PRUNE2: variants seen among roughly 807,000 people sequenced by gnomAD.
PRUNE2 encodes the protein prune homolog 2 with BCH domain.
Under a neutral mutation model 252.0 loss-of-function variants are expected in PRUNE2, and 164 were observed. That is an observed-to-expected ratio of 0.65 (90% confidence interval 0.57 to 0.74). The LOEUF (loss-of-function observed/expected upper bound fraction) is 0.74. PRUNE2 is among the 30% of genes least tolerant of loss of function. The probability of loss-of-function intolerance (pLI) is 0.00; values close to 1 mark genes in which losing one functional copy is unlikely to be tolerated. For missense variants in PRUNE2, 3,495 were observed against 3,711.0 expected, an observed-to-expected ratio of 0.94 and a Z score of 1.51; for synonymous variants, 1,292 against 1,350.2, an observed-to-expected ratio of 0.96 and a Z score of 0.94.
chr9:76,706,209 C>T lies in PRUNE2; in HGVS notation c.6065G>A (p.Ser2022Asn), dbSNP rs1215633142. The change falls in exon 8 of 19, where the codon AGT (serine) becomes AAT (asparagine). Residue 2022 changes from serine (S) to asparagine (N), a missense_variant. By Grantham distance (46) the Ser-to-Asn change is conservative (BLOSUM62 1). Coordinates refer to ENST00000376718, the MANE Select transcript of PRUNE2 (RefSeq NM_015225.3). ...SIATENFPAV[S>N]SPTQLIMKPG... Reference sequence around the variant, plus strand: ...CTTCATTATCAGTTGGGTGGGAGAACTGACAGCAGGAAAATTTTCTGTGGC... The same window carrying T: ...CTTCATTATCAGTTGGGTGGGAGAATTGACAGCAGGAAAATTTTCTGTGGC... 2 of 1,613,866 alleles carry T rather than the reference C, an allele frequency of 1.2e-6. No homozygotes were observed.
chr9:76,622,301 A>G (rs1356761618), intron 17 of PRUNE2, among the ~76,000 whole-genome samples: 1 of 152,136 alleles, frequency 6.6e-6, no homozygotes. Context: ...GAAGAGAACA[A>G]AATAGTGGAT....
intron 1 of PRUNE2, 47 bp downstream of exon 1, chr9:76,905,881 T>TG: frequency 6.2e-7 from 1 of 1,612,844 alleles, no homozygotes; most frequent in Admixed American, 1.7e-5. Context: ...ACCTTTCCAT[T>TG]AGCATACGCG....
At chr9:76,634,869 T>G (rs1839304407) in intron 15 of PRUNE2, among the ~76,000 whole-genome samples, 1 of 152,240 alleles carries the variant, frequency 6.6e-6, no homozygotes, top group Non-Finnish European at 1.5e-5. Context: ...CCCATTAAAC[T>G]TTTTGAAAGC....
At chr9:76,904,313 C>G (rs114637160) in intron 1 of PRUNE2, among the ~76,000 whole-genome samples, 1 of 151,956 alleles carries the variant, frequency 6.6e-6, no homozygotes, top group African/African-American at 2.4e-5. Context: ...ACTCATTACT[C>G]GGAAATAGGG....
intron 6 of PRUNE2, among the ~76,000 whole-genome samples, chr9:76,724,412 G>A (rs2047927999): frequency 6.6e-6 from 1 of 151,100 alleles, no homozygotes; most frequent in Admixed American, 6.6e-5. Context: ...TGGGGGTGGA[G>A]GTTGCAGTGA....
chr9:76,832,859 A>G (rs2058744935), intron 4 of PRUNE2, among the ~76,000 whole-genome samples: 1 of 152,112 alleles, frequency 6.6e-6, no homozygotes, highest in African/African-American at 2.4e-5. Context: ...AAATCGTGAC[A>G]TAACTAGATT....
intron 9 of PRUNE2, among the ~76,000 whole-genome samples, chr9:76,668,135 AT>A (rs1261908569): frequency 1.3e-5 from 2 of 152,236 alleles, no homozygotes; most frequent in African/African-American, 4.8e-5. Context: ...GGTTGTAGTC[AT>A]CAAAATTTTA....
At chr9:76,625,180 C>T in intron 16 of PRUNE2, 1 of 513,362 alleles carries the variant, frequency 1.9e-6, no homozygotes, top group Non-Finnish European at 3.4e-6. Flanking sequence ...TACAGTCATG[C>T]ACCATGTAAC....
intron 6 of PRUNE2, among the ~76,000 whole-genome samples, chr9:76,805,768 C>T (rs1296265692): frequency 6.6e-6 from 1 of 152,102 alleles, no homozygotes; most frequent in Non-Finnish European, 1.5e-5. Flanking sequence ...TCAATGGTAA[C>T]AATTAATTGA....
chr9:76,694,326 G>A (rs2045160441), intron 9 of PRUNE2, among the ~76,000 whole-genome samples: 1 of 152,030 alleles, frequency 6.6e-6, no homozygotes, highest in African/African-American at 2.4e-5. Flanking sequence ...GGGATTCCAG[G>A]CATGTGTCAC....
chr9:76,792,669 A>G (rs2055668869), intron 6 of PRUNE2, among the ~76,000 whole-genome samples: 1 of 152,202 alleles, frequency 6.6e-6, no homozygotes, highest in Non-Finnish European at 1.5e-5. Flanking sequence ...TTAAAGATAA[A>G]TATTTTTTCA....
chr9:76,840,462 T>G (rs2059320326), intron 4 of PRUNE2, among the ~76,000 whole-genome samples: 2 of 152,154 alleles, frequency 1.3e-5, no homozygotes, highest in African/African-American at 2.4e-5. Context: ...ACAATCAAAT[T>G]GATGAAGTAC....
intron 3 of PRUNE2, among the ~76,000 whole-genome samples, chr9:76,849,894 A>T (rs935555938): frequency 6.6e-6 from 1 of 152,198 alleles, no homozygotes; most frequent in Admixed American, 6.5e-5. Flanking sequence ...TAAGAACTTT[A>T]CACTTAAAGA....
chr9:76,786,883 AC>A (rs2055040366), intron 6 of PRUNE2: 1 of 152,204 alleles, frequency 6.6e-6, no homozygotes, highest in South Asian at 2.1e-4. Flanking sequence ...CAAATGAGAA[AC>A]CCAGTGGCTC....
chr9:76,842,406 A>G (rs1329205181), intron 4 of PRUNE2, among the ~76,000 whole-genome samples: 1 of 152,224 alleles, frequency 6.6e-6, no homozygotes, highest in African/African-American at 2.4e-5. Context: ...CCTAGGCAAT[A>G]TCATTCAGGA....
intron 6 of PRUNE2, among the ~76,000 whole-genome samples, chr9:76,757,862 C>CG (rs376114924): frequency 0.012 from 1,858 of 151,986 alleles, 32 homozygotes; most frequent in African/African-American, 0.042. Flanking sequence ...CCCTGGGCCC[C>CG]ACCCAAAAAA....
intron 6 of PRUNE2, among the ~76,000 whole-genome samples, chr9:76,766,436 T>C (rs1381430027): frequency 6.6e-6 from 1 of 152,256 alleles, no homozygotes; most frequent in African/African-American, 2.4e-5. Context: ...TCTTTAACGA[T>C]GCTTAACTCT....
At chr9:76,641,926 A>T in intron 12 of PRUNE2, 1 of 1,525,806 alleles carries the variant, frequency 6.6e-7, no homozygotes, top group Non-Finnish European at 8.8e-7. Context: ...TCTTCTCCTC[A>T]TTCTTTCCAG....
At position 76,629,220 on chromosome 9, in the gene PRUNE2, A is replaced by T; in HGVS notation, c.9121T>A (p.Cys3041Ser). 1 of 1,606,546 alleles carries T rather than the reference A, an allele frequency of 6.2e-7. No homozygotes were observed. The highest frequency in any genetic ancestry group is 8.5e-7 in the Non-Finnish European group (1 of 1,175,264). Reference sequence around the variant, plus strand: ...ATGATGCTCTCTGGAATGTGGATGCAATCCATTGGGATCAGCCCACTGAGT... The same window carrying T: ...ATGATGCTCTCTGGAATGTGGATGCTATCCATTGGGATCAGCCCACTGAGT... ...SELSGLIPMD[C>S]IHIPESIIKL... The change falls in exon 16 of 19, where the codon TGC becomes AGC. Residue 3041 changes from cysteine to serine, a missense_variant. Transcript: ENST00000376718.
Sources: gnomAD v4.1 joint callset for allele counts (sites outside exome capture counted in the v4.1 genomes callset) on GRCh38, gnomAD v4.1.1 for gene constraint, MANE v1.5 for transcripts, NCBI Gene and HGNC (gene_info 2026-07-23, HGNC 2026-07-21) for gene names.